The following CRYBG1 variants were observed in gnomAD, a reference collection of about 807,000 sequenced individuals.
CRYBG1 encodes the protein crystallin beta-gamma domain containing 1.
In CRYBG1, 139 loss-of-function variants were observed where a neutral mutation model predicts 189.2. The ratio of observed to expected loss-of-function variants is 0.73; its 90% CI spans 0.64 to 0.85. The LOEUF (loss-of-function observed/expected upper bound fraction) is 0.85, where lower values mean the gene tolerates loss of function less well. CRYBG1 is among the 40% of genes least tolerant of loss of function. CRYBG1 has a pLI of 0.00. For synonymous variants in CRYBG1, 1,023 were observed against 1,017.1 expected (o/e 1.01, Z -0.11); for missense variants, 2,611 against 2,675.8 (o/e 0.98, Z 0.53).
At chr6:106,507,966 G>T (rs769889316) in intron 2 of CRYBG1, among the ~76,000 whole-genome samples, 8 of 152,212 alleles carry the variant, frequency 5.3e-5, no homozygotes, top group Admixed American at 1.3e-4. Context: ...GCATAACGTG[G>T]CTGGGTACGG....
Position 106,508,257 on chromosome 6 carries a change from C to T in CRYBG1, c.313-3173C>T, listed in dbSNP as rs550748251. On this transcript the variant is annotated intron_variant, in intron 2 of 21. Transcript: ENST00000633556. Reference sequence around the variant, plus strand: ...GACCCTGTGAAATGTGCACCCAAGACAGATGGATTGTGCCACACAGTGCAT... The same window carrying T: ...GACCCTGTGAAATGTGCACCCAAGATAGATGGATTGTGCCACACAGTGCAT... 3.9e-5 allele frequency among the ~76,000 whole-genome samples: 6 copies of T among 152,244 alleles called. No homozygotes were observed. In the East Asian group the frequency reaches 7.7e-4, roughly 20 times the overall value.
chr6:106,380,489 G>C (rs1770264044), intron 1 of CRYBG1, among the ~76,000 whole-genome samples: 1 of 152,188 alleles, frequency 6.6e-6, no homozygotes, highest in Non-Finnish European at 1.5e-5. Context: ...ACAGAGAGGA[G>C]AGTGTGATTA....
chr6:106,436,813 A>G (rs1278406525), intron 1 of CRYBG1, among the ~76,000 whole-genome samples: 2 of 152,172 alleles, frequency 1.3e-5, no homozygotes. Context: ...ATCATTTCCT[A>G]AAAGTAGAGT....
chr6:106,513,214 C>T (rs1180415809), intron 3 of CRYBG1, among the ~76,000 whole-genome samples, 175 bp downstream of exon 3: 2 of 152,198 alleles, frequency 1.3e-5, no homozygotes, highest in African/African-American at 2.4e-5. Context: ...TTTAAGATGA[C>T]ACCTGTGGCA....
chr6:106,534,111 T>C (rs72939498), intron 8 of CRYBG1, among the ~76,000 whole-genome samples: 53 of 152,320 alleles, frequency 3.5e-4, no homozygotes, highest in Non-Finnish European at 5.7e-4. Context: ...AACACCACTT[T>C]CCTTAGAAAA....
At chr6:106,409,506 G>C (rs181471607) in intron 1 of CRYBG1, among the ~76,000 whole-genome samples, 43 of 148,934 alleles carry the variant, frequency 2.9e-4, no homozygotes, top group African/African-American at 1.1e-3. Context: ...TTTCTTCACA[G>C]AATTAGAAAA....
chr6:106,544,291 G>A (rs758243522), intron 11 of CRYBG1, among the ~76,000 whole-genome samples: 1 of 152,006 alleles, frequency 6.6e-6, no homozygotes, highest in Non-Finnish European at 1.5e-5. Flanking sequence ...TGCTTGCTGA[G>A]GTTCTTTTGA....
intron 2 of CRYBG1, among the ~76,000 whole-genome samples, chr6:106,492,263 G>A (rs943743956): frequency 1.3e-5 from 2 of 152,150 alleles, no homozygotes; most frequent in African/African-American, 4.8e-5. Context: ...ATTCCATACT[G>A]AGTACATGGT....
At chr6:106,448,535 C>G (rs911893818) in intron 1 of CRYBG1, among the ~76,000 whole-genome samples, 5 of 152,168 alleles carry the variant, frequency 3.3e-5, no homozygotes, top group African/African-American at 1.2e-4. Flanking sequence ...TCCCCCAAAT[C>G]AGGAGAGCAG....
intron 1 of CRYBG1, among the ~76,000 whole-genome samples, chr6:106,391,958 TG>T (rs1770514140): frequency 1.5e-5 from 1 of 65,050 alleles, no homozygotes; most frequent in African/African-American, 6.1e-5. Context: ...TGTGTGTGTG[TG>T]TGTGTGTGTG....
intron 2 of CRYBG1, among the ~76,000 whole-genome samples, chr6:106,452,359 G>T (rs1771801066): frequency 1.3e-5 from 2 of 150,782 alleles, no homozygotes; most frequent in African/African-American, 2.4e-5. Context: ...GGAGGTGGAG[G>T]TTGTGGTGGA....
intron 3 of CRYBG1, 113 bp downstream of exon 3, chr6:106,513,152 TC>T: frequency 1.5e-6 from 2 of 1,297,684 alleles, no homozygotes; most frequent in South Asian, 1.5e-5. Context: ...CACTGAACTT[TC>T]CCCTCCATGC....
At chr6:106,461,997 G>T (rs1171774268) in intron 2 of CRYBG1, among the ~76,000 whole-genome samples, 2 of 152,242 alleles carry the variant, frequency 1.3e-5, no homozygotes, top group East Asian at 3.9e-4. Context: ...TATTTCTTTA[G>T]TGATGTTTGA....
At position 106,571,190 on chromosome 6, in the gene CRYBG1, G is replaced by C. The variant is rs943813259; in HGVS notation, c.*2624G>C. 2.6e-5 allele frequency: 4 copies of C among 152,138 alleles called. No homozygotes were observed. Among genetic ancestry groups the C allele is most frequent in the Non-Finnish European group, 4.4e-5 (3 of 68,032 alleles). 9.4% of individuals were successfully genotyped at this position (152,138 alleles called of 1,614,324 possible). A position where few individuals can be genotyped will look rare whatever the true frequency, so the allele number is the denominator to read the frequency against. Reference sequence around the variant, plus strand: ...CTCTGCTCTCACCTTTCAATATTAAGAGCATAAACAAATGAATCACCAGGC... The same window carrying C: ...CTCTGCTCTCACCTTTCAATATTAACAGCATAAACAAATGAATCACCAGGC... On this transcript the variant is annotated 3_prime_UTR_variant, in exon 22 of 22. Transcript: ENST00000633556.
chr6:106,558,456 T>A, intron 17 of CRYBG1, 30 bp from the exon 18 acceptor site: 1 of 1,513,288 alleles, frequency 6.6e-7, no homozygotes, highest in Non-Finnish European at 9.0e-7. Context: ...CAAAGATGAA[T>A]AACAGAACAT....
Position 106,512,813 on chromosome 6 carries a change from G to A in CRYBG1, c.1696G>A (p.Ala566Thr), listed in dbSNP as rs866011742. ...CGAGAGCGGGGAGGAGGCGGCGCGG[G>A]CCATCCCCCGCGAGCTCCCGGTCAA... ...AAESGEEAAR[A>T]IPRELPVKSS... Residue 566 changes from alanine to threonine, a missense_variant, in exon 3 of 22, where the codon GCC becomes ACC. Physicochemically the swap from Ala to Thr is moderately conservative, Grantham distance 58. Around this residue, in one of 3 missense-constraint regions of CRYBG1, gnomAD observed 985 missense variants for 924.4 expected, o/e 1.07. Transcript: ENST00000633556. The A allele has an allele frequency of 1.3e-6, 2 of 1,574,380 alleles. No homozygotes were observed. Among genetic ancestry groups the A allele is most frequent in the East Asian group, 2.3e-5 (1 of 42,818 alleles).
chr6:106,507,453 C>T (rs1388336464), intron 2 of CRYBG1, among the ~76,000 whole-genome samples: 4 of 152,166 alleles, frequency 2.6e-5, no homozygotes, highest in African/African-American at 9.7e-5. Context: ...CCCTCAGGAC[C>T]CTGCCCAGGC....
rs867597191 is a variant in CRYBG1, at chr6:106,471,422, G to A, written c.312+19590G>A. Among the ~76,000 whole-genome samples, 6 of 152,322 alleles carry A rather than the reference G, an allele frequency of 3.9e-5. No homozygotes were observed. The South Asian group carries it at 1.2e-3, about 32-fold the overall frequency. On this transcript the variant is annotated intron_variant, in intron 2 of 21. Transcript: ENST00000633556. ...CAAGCATTTCAGAGGCAGCTGCCTA[G>A]TCTGCTGATAGCTAATGCTGGTCTG... is the stretch of plus-strand genomic sequence containing the variant.
In CRYBG1 at chr6:106,527,460, ATG is replaced by A; in HGVS notation, c.4571_4572del (p.Val1524GlyfsTer7). 2 of 1,611,188 alleles carry A rather than the reference ATG, an allele frequency of 1.2e-6. No individual in the cohort carries two copies. Among genetic ancestry groups the A allele is most frequent in the Non-Finnish European group, 1.7e-6 (2 of 1,178,406 alleles). ...CCAGTGGTGATTGGTTCCATCAGAC[ATG>A]TGGTTCAGGTAGGTTGTGGTAAATA... On this transcript the variant is annotated frameshift_variant, in exon 7 of 22. Coordinates refer to ENST00000633556, the MANE Select transcript of CRYBG1 (RefSeq NM_001371242.2). LOFTEE classifies it high-confidence loss of function.
Sources: allele counts gnomAD v4.1 joint callset (sites outside exome capture counted in the v4.1 genomes callset), GRCh38; gene constraint gnomAD v4.1.1; regional missense constraint gnomAD v4.1.1; transcripts MANE v1.5; gene names NCBI Gene and HGNC (gene_info 2026-07-23, HGNC 2026-07-21).